Variants in WWOX observed in about 807,000 individuals in gnomAD.
WWOX encodes WW domain-containing oxidoreductase.
Under a neutral mutation model 46.2 loss-of-function variants are expected in WWOX, and 69 were observed. That is an observed-to-expected ratio of 1.49 (90% CI 1.23 to 1.82). The LOEUF (loss-of-function observed/expected upper bound fraction) is 1.82. Ranked by LOEUF, WWOX falls within the 40% of genes most tolerant of loss-of-function variation. WWOX has a pLI of 0.00. For synonymous variants in WWOX, 359 were observed against 202.6 expected (o/e 1.77, Z -6.56); for missense variants, 919 against 542.6 (o/e 1.69, Z -6.89).
At chr16:78,731,872 G>C (rs1244924487) in intron 8 of WWOX, among the ~76,000 whole-genome samples, 1 of 133,218 alleles carries the variant, frequency 7.5e-6, no homozygotes, top group Non-Finnish European at 1.5e-5. Flanking sequence ...TTGAGAGACA[G>C]GGTCTTGCTT....
intron 5 of WWOX, among the ~76,000 whole-genome samples, chr16:78,358,039 A>G (rs931365337): frequency 6.6e-6 from 1 of 152,186 alleles, no homozygotes; most frequent in African/African-American, 2.4e-5. Context: ...ATAATGAACC[A>G]TATGCACGAG....
chr16:78,448,852 T>C (rs4609862), intron 8 of WWOX, among the ~76,000 whole-genome samples: 11,126 of 152,174 alleles, frequency 0.073, 499 homozygotes, highest in East Asian at 0.2. Context: ...GTCAACTGTC[T>C]TGGCGCTGGT....
intron 8 of WWOX, among the ~76,000 whole-genome samples, chr16:78,495,438 G>A (rs185036975): frequency 2.1e-5 from 3 of 146,230 alleles, no homozygotes; most frequent in African/African-American, 7.4e-5. Context: ...ACTGCACCTG[G>A]CCAGTAGTAG....
intron 8 of WWOX, chr16:78,551,413 A>C (rs1784337232): frequency 6.6e-6 from 1 of 152,156 alleles, no homozygotes; most frequent in African/African-American, 2.4e-5. Context: ...CCAGTGTTGT[A>C]AGGAAATGGG....
At chr16:78,920,148 T>TG (rs2045346164) in intron 8 of WWOX, among the ~76,000 whole-genome samples, 1 of 152,134 alleles carries the variant, frequency 6.6e-6, no homozygotes, top group South Asian at 2.1e-4. Flanking sequence ...TGCTTGCTCT[T>TG]GGTCTTCTCC....
chr16:78,260,936 CAAAAAA>C (rs35410839), intron 5 of WWOX, among the ~76,000 whole-genome samples: 1 of 63,042 alleles, frequency 1.6e-5, no homozygotes, highest in Admixed American at 1.5e-4. Context: ...GACTCCATCT[CAAAAAA>C]AAAAAAAAAA....
intron 8 of WWOX, among the ~76,000 whole-genome samples, chr16:79,051,954 T>C (rs889526611): frequency 2.3e-4 from 35 of 152,354 alleles, no homozygotes; most frequent in African/African-American, 7.9e-4. Flanking sequence ...TGAAGGTGTT[T>C]TTACCTTTCT....
chr16:78,530,961 G>C (rs534264796), intron 8 of WWOX, among the ~76,000 whole-genome samples: 14 of 152,154 alleles, frequency 9.2e-5, no homozygotes, highest in Non-Finnish European at 1.8e-4. Flanking sequence ...AAAAAGTTAG[G>C]CTCTGAGAAT....
intron 5 of WWOX, among the ~76,000 whole-genome samples, chr16:78,263,133 G>C (rs924667576): frequency 6.6e-6 from 1 of 152,160 alleles, no homozygotes; most frequent in Non-Finnish European, 1.5e-5. Flanking sequence ...TCAGCTACTC[G>C]AGAGGCTGAG....
intron 5 of WWOX, among the ~76,000 whole-genome samples, chr16:78,297,375 G>C (rs193275095): frequency 6.6e-6 from 1 of 152,204 alleles, no homozygotes; most frequent in East Asian, 1.9e-4. Context: ...CATGTAGGGA[G>C]CCTTCCAACA....
chr16:79,035,384 G>A (rs1195050253), intron 8 of WWOX, among the ~76,000 whole-genome samples: 2 of 152,248 alleles, frequency 1.3e-5, no homozygotes, highest in African/African-American at 4.8e-5. Context: ...AACCCCATTA[G>A]ACAGTGGCCA....
chr16:78,540,938 G>T (rs1418222303), intron 8 of WWOX, among the ~76,000 whole-genome samples: 1 of 152,062 alleles, frequency 6.6e-6, no homozygotes. Flanking sequence ...CTCCTGCCTT[G>T]AGCTCCCGAA....
chr16:79,074,006 A>C (rs530091027), intron 8 of WWOX, among the ~76,000 whole-genome samples: 3 of 151,556 alleles, frequency 2.0e-5, no homozygotes, highest in African/African-American at 7.3e-5. Context: ...CTGAGGAAAA[A>C]AAAAGCCTTT....
chr16:78,408,376 G>C (rs1283307913), intron 6 of WWOX, among the ~76,000 whole-genome samples: 7 of 152,090 alleles, frequency 4.6e-5, no homozygotes, highest in Non-Finnish European at 5.9e-5. Flanking sequence ...CCCAGACCCA[G>C]CCACATGGGG....
intron 8 of WWOX, among the ~76,000 whole-genome samples, chr16:78,831,461 A>C (rs2051821718): frequency 6.6e-6 from 1 of 152,154 alleles, no homozygotes; most frequent in Non-Finnish European, 1.5e-5. Context: ...CTCTAGGGAG[A>C]TGCAGTGAGT....
chr16:78,929,350 T>C (rs2045569724), intron 8 of WWOX, among the ~76,000 whole-genome samples: 1 of 152,164 alleles, frequency 6.6e-6, no homozygotes, highest in Admixed American at 6.5e-5. Flanking sequence ...AGTTTCTATA[T>C]AGTGCATATT....
chr16:78,200,708 G>A (rs958503456), intron 5 of WWOX, among the ~76,000 whole-genome samples: 3 of 151,672 alleles, frequency 2.0e-5, no homozygotes, highest in Admixed American at 2.0e-4. Context: ...TTTGCCCAAG[G>A]TGAACCTGTC....
At chr16:79,054,262 G>C (rs1002533683) in intron 8 of WWOX, among the ~76,000 whole-genome samples, 1 of 152,158 alleles carries the variant, frequency 6.6e-6, no homozygotes, top group Admixed American at 6.6e-5. Context: ...GTGTCTATAC[G>C]ATAGCTACTT....
chr16:78,451,660 C>G (rs1458694294), intron 8 of WWOX, among the ~76,000 whole-genome samples: 1 of 152,180 alleles, frequency 6.6e-6, no homozygotes, highest in Non-Finnish European at 1.5e-5. Context: ...GTGCAGGACA[C>G]AGCTGAAACC....
Sources: allele counts gnomAD v4.1 joint callset (sites outside exome capture counted in the v4.1 genomes callset), GRCh38; gene constraint gnomAD v4.1.1; transcripts MANE v1.5; gene names NCBI Gene and HGNC (gene_info 2026-07-23, HGNC 2026-07-21).